Variants in ARMC9 observed in about 807,000 individuals in gnomAD.
ARMC9 encodes the protein lisH domain-containing protein ARMC9.
A neutral mutation model predicts 107.0 loss-of-function variants in ARMC9; 94 were observed. That is an observed-to-expected ratio of 0.88 (90% confidence interval 0.74 to 1.04). ARMC9 has a LOEUF of 1.04. Ranked by LOEUF, ARMC9 falls within the 50% of genes least tolerant of loss-of-function variation. The pLI, the probability that ARMC9 is intolerant of heterozygous loss-of-function variation, is 0.00. For synonymous variants in ARMC9, 380 were observed against 396.9 expected (o/e 0.96, Z 0.51); for missense variants, 942 against 1,030.1 (o/e 0.91, Z 1.17).
At chr2:231,227,197 A>G (rs1159260103) in intron 7 of ARMC9, among the ~76,000 whole-genome samples, 3 of 152,220 alleles carry the variant, frequency 2.0e-5, no homozygotes, top group African/African-American at 7.2e-5. Flanking sequence ...CTTCGAAGAC[A>G]TATGGAGTAC....
intron 9 of ARMC9, among the ~76,000 whole-genome samples, chr2:231,254,660 AAAAAAAATTG>A (rs527443354): frequency 0.018 from 2,788 of 151,906 alleles, 28 homozygotes; most frequent in Non-Finnish European, 0.024. Flanking sequence ...CTATAAAAAA[AAAAAAAATTG>A]AAAAAAATTG....
chr2:231,364,806 A>G (rs924510091), intron 23 of ARMC9, among the ~76,000 whole-genome samples: 60 of 152,152 alleles, frequency 3.9e-4, no homozygotes, highest in African/African-American at 1.2e-3. Context: ...TCAAAAAAAA[A>G]AAAGAAAGAA....
chr2:231,330,234 T>C (rs1194823266), intron 19 of ARMC9, among the ~76,000 whole-genome samples: 6 of 150,534 alleles, frequency 4.0e-5, no homozygotes, highest in African/African-American at 1.5e-4. Flanking sequence ...TCTTTCTTTT[T>C]TTTTTTTTTT....
chr2:231,256,101 A>G, intron 9 of ARMC9: 2 of 1,550,468 alleles, frequency 1.3e-6, no homozygotes, highest in Non-Finnish European at 1.7e-6. Context: ...GCCATCATGG[A>G]CACCAGCCGT....
chr2:231,346,649 ACTAT>A (rs888528002), intron 21 of ARMC9, among the ~76,000 whole-genome samples: 6 of 152,314 alleles, frequency 3.9e-5, no homozygotes, highest in African/African-American at 1.4e-4. Flanking sequence ...TTTTTGCTGA[ACTAT>A]CTGAGAGAAG....
chr2:231,221,059 A>T lies in ARMC9; in HGVS notation c.505-1669A>T, dbSNP rs1211770991. ...GCCCTAGCAAAGTACCACAGGCCAG[A>T]TGCCTTAAGACAGCAGGCATTCGTT... is the stretch of plus-strand genomic sequence containing the variant. On this transcript the variant is annotated intron_variant, in intron 5 of 24. Coordinates refer to ENST00000611582, the MANE Select transcript of ARMC9 (RefSeq NM_001352754.2). 3.3e-5 allele frequency among the ~76,000 whole-genome samples: 5 copies of T among 152,202 alleles called. No homozygotes were observed. In the South Asian group the frequency reaches 6.2e-4, roughly 19 times the overall value.
intron 19 of ARMC9, among the ~76,000 whole-genome samples, chr2:231,300,196 A>C (rs1414446361): frequency 6.6e-6 from 1 of 152,186 alleles, no homozygotes; most frequent in Non-Finnish European, 1.5e-5. Context: ...GCCTCTTGAC[A>C]AAATAGGTTT....
Position 231,217,311 on chromosome 2 carries a change from C to T in ARMC9, c.504+518C>T, listed in dbSNP as rs187776573. ...AATGTTACAGAAAGTTGGCTGAGCA[C>T]GGTGGCTTACACGTGTAATCCCAGC... On this transcript the variant is annotated intron_variant, in intron 5 of 24. Transcript: ENST00000611582. 1.3e-4 allele frequency among the ~76,000 whole-genome samples: 20 copies of T among 152,288 alleles called. No individual in the cohort carries two copies. In the South Asian group the frequency reaches 2.5e-3, roughly 19 times the overall value.
In ARMC9 at chr2:231,266,187, G is replaced by A. The variant is rs879375742; in HGVS notation, c.1119+3789G>A. On this transcript the variant is annotated intron_variant, in intron 12 of 24. Transcript: ENST00000611582. The stretch of plus-strand genomic sequence containing the variant: ...CATAGTGGTTCTCAAAGTTTAACAT[G>A]CATCGTTATCTCCTGGAGGTCTCAT... Among the ~76,000 whole-genome samples, 3 of 152,238 alleles carry A rather than the reference G, an allele frequency of 2.0e-5. No homozygotes were observed. The East Asian group carries it at 5.8e-4, about 29-fold the overall frequency.
chr2:231,293,752 A>G (rs1453382174), intron 18 of ARMC9: 1 of 152,234 alleles, frequency 6.6e-6, no homozygotes, highest in Admixed American at 6.5e-5. Context: ...TTATCTTTCT[A>G]TCTCAAGCAC....
chr2:231,355,894 G>C lies in ARMC9; in HGVS notation c.2091G>C (p.Glu697Asp), dbSNP rs1448931601. ...LPAAHEAVYR[E>D]GKPSTPESCV... Reference sequence around the variant, plus strand: ...CCGCTCACGAGGCTGTCTACAGGGAGGGCAAGCCCAGCACCCCGGAGTCCT... The same window carrying C: ...CCGCTCACGAGGCTGTCTACAGGGACGGCAAGCCCAGCACCCCGGAGTCCT... Residue 697 changes from glutamate to aspartate, a missense_variant, in exon 22 of 25, where the codon GAG becomes GAC. Glu to Asp is a conservative substitution (Grantham distance 45). Transcript: ENST00000611582. The C allele has an allele frequency of 6.5e-7, 1 of 1,536,164 alleles. No individual in the cohort carries two copies. The highest frequency in any genetic ancestry group is 8.7e-7 in the Non-Finnish European group (1 of 1,146,912).
At chr2:231,217,109 A>G (rs574335260) in intron 5 of ARMC9, among the ~76,000 whole-genome samples, 3 of 152,354 alleles carry the variant, frequency 2.0e-5, no homozygotes, top group African/African-American at 7.2e-5. Context: ...GCATGCATAA[A>G]TACATTGTAT....
At chr2:231,233,306 A>G (rs1207387225) in intron 7 of ARMC9, among the ~76,000 whole-genome samples, 1 of 152,240 alleles carries the variant, frequency 6.6e-6, no homozygotes, top group Non-Finnish European at 1.5e-5. Context: ...TGTGGTGTGC[A>G]CCAGATCCAT....
At chr2:231,238,883 CAGG>C (rs1033056265) in intron 8 of ARMC9, among the ~76,000 whole-genome samples, 2 of 152,132 alleles carry the variant, frequency 1.3e-5, no homozygotes, top group African/African-American at 4.8e-5. Flanking sequence ...GCAGGAGGCC[CAGG>C]AGGAGAGAAA....
At chr2:231,317,257 G>T (rs1323412935) in intron 19 of ARMC9, among the ~76,000 whole-genome samples, 1 of 151,478 alleles carries the variant, frequency 6.6e-6, no homozygotes, top group African/African-American at 2.4e-5. Context: ...TGCAACCTCC[G>T]CCTCCTGGGT....
At chr2:231,232,236 G>A (rs2035301088) in intron 7 of ARMC9, among the ~76,000 whole-genome samples, 1 of 151,334 alleles carries the variant, frequency 6.6e-6, no homozygotes, top group Admixed American at 6.6e-5. Context: ...ATGTTGGCCA[G>A]GGTGGTCTTG....
intron 19 of ARMC9, among the ~76,000 whole-genome samples, chr2:231,298,865 C>T (rs942702163): frequency 3.3e-5 from 5 of 152,120 alleles, no homozygotes; most frequent in Middle Eastern, 3.2e-3. Flanking sequence ...ACCTGGGAGG[C>T]GGAGGCTGCA....
chr2:231,317,848 G>C (rs559152453), intron 19 of ARMC9, among the ~76,000 whole-genome samples: 2 of 151,826 alleles, frequency 1.3e-5, no homozygotes, highest in Non-Finnish European at 2.9e-5. Context: ...CCTTTTTATA[G>C]TGTCTATTTT....
At chr2:231,256,522 T>A in intron 9 of ARMC9, 64 bp from the exon 10 acceptor site, 1 of 1,576,724 alleles carries the variant, frequency 6.3e-7, no homozygotes, top group South Asian at 1.1e-5. Context: ...TAGGGTGATT[T>A]GGGATCCGTG....
Sources: gnomAD v4.1 joint callset for allele counts (sites outside exome capture counted in the v4.1 genomes callset) on GRCh38, gnomAD v4.1.1 for gene constraint, MANE v1.5 for transcripts, NCBI Gene and HGNC (gene_info 2026-07-23, HGNC 2026-07-21) for gene names.